CCDC69: variants seen among roughly 807,000 people sequenced by gnomAD.
CCDC69 encodes the protein coiled-coil domain-containing protein 69.
In CCDC69, 38 loss-of-function variants were observed where a neutral mutation model predicts 40.3. The observed-to-expected ratio is 0.94, with a 90% CI of 0.73 to 1.24. The LOEUF (loss-of-function observed/expected upper bound fraction) is 1.24. Among genes scored for constraint, CCDC69 ranks in the 50% most tolerant of loss-of-function variants. The pLI, the probability that CCDC69 is intolerant of heterozygous loss-of-function variation, is 0.00. For synonymous variants in CCDC69, 141 were observed against 138.9 expected (o/e 1.02, Z -0.11); for missense variants, 389 against 357.9 (o/e 1.09, Z -0.70).
chr5:151,183,720 AG>A, intron 8 of CCDC69, 106 bp from the exon 9 acceptor site: 3 of 1,006,832 alleles, frequency 3.0e-6, no homozygotes, highest in Non-Finnish European at 2.9e-6. Flanking sequence ...AGCCTGCTGC[AG>A]GGTCCCCACT....
Position 151,223,976 on chromosome 5 carries a change from T to C in CCDC69, c.-6A>G. 6.4e-7 allele frequency: 1 copy of C among 1,554,048 alleles called. No homozygotes were observed. Among genetic ancestry groups the C allele is most frequent in the East Asian group, 2.6e-5 (1 of 37,938 alleles). ...CTGCTGTGTCTGCAGCCCATCCTCC[T>C]CCGGGGGCTCCCGGACGCCGCTTCC... On this transcript the variant is annotated 5_prime_UTR_variant, in exon 1 of 9. Transcript: ENST00000355417.
chr5:151,213,412 A>AT (rs34388055), intron 1 of CCDC69, among the ~76,000 whole-genome samples: 56,412 of 143,872 alleles, frequency 0.39, 12,246 homozygotes, highest in East Asian at 0.64. Context: ...ATGTCCGGCT[A>AT]TTTTTTTTTT....
intron 1 of CCDC69, among the ~76,000 whole-genome samples, chr5:151,220,441 C>T (rs1418494281): frequency 6.6e-6 from 1 of 152,208 alleles, no homozygotes; most frequent in Non-Finnish European, 1.5e-5. Context: ...ACCCAGAGCC[C>T]GGTGTGGTCG....
intron 1 of CCDC69, among the ~76,000 whole-genome samples, chr5:151,223,500 A>C (rs979046750): frequency 8.5e-5 from 13 of 152,378 alleles, no homozygotes; most frequent in African/African-American, 3.1e-4. Context: ...TGATACTGCG[A>C]GTCTGTGGAA....
At position 151,182,811 on chromosome 5, in the gene CCDC69, C is replaced by T. The variant is rs1766662695; in HGVS notation, c.*626G>A. ...GCCTCAGCTGGGGAGGCTGCCTGGC[C>T]CTGTCAGCCCCAAGGGCCTTCAGAG... On this transcript the variant is annotated 3_prime_UTR_variant, in exon 9 of 9. Transcript: ENST00000355417. The T allele has an allele frequency of 2.9e-6, 1 of 342,424 alleles. No individual in the cohort carries two copies. The highest frequency in any genetic ancestry group is 3.9e-5 in the Admixed American group (1 of 25,588). The allele number at this position is 342,424 out of a possible 1,614,324, so 21.2% of individuals were successfully genotyped here.
intron 4 of CCDC69, among the ~76,000 whole-genome samples, chr5:151,194,908 A>G (rs1752675981): frequency 6.6e-6 from 1 of 151,536 alleles, no homozygotes; most frequent in Admixed American, 6.6e-5. Context: ...AAAAAAAAAA[A>G]AAAGAATCTA....
At chr5:151,212,432 C>T (rs1394276124) in intron 1 of CCDC69, among the ~76,000 whole-genome samples, 1 of 152,180 alleles carries the variant, frequency 6.6e-6, no homozygotes, top group Non-Finnish European at 1.5e-5. Flanking sequence ...TGCTGTCAAG[C>T]AGACCAGAGC....
chr5:151,220,799 C>G (rs983717874), intron 1 of CCDC69, among the ~76,000 whole-genome samples: 25 of 150,382 alleles, frequency 1.7e-4, no homozygotes, highest in African/African-American at 5.6e-4. Context: ...CCCACCCCCC[C>G]TCCGCTTCCT....
intron 2 of CCDC69, among the ~76,000 whole-genome samples, chr5:151,204,575 G>C (rs973873975): frequency 5.9e-5 from 9 of 152,260 alleles, no homozygotes; most frequent in Non-Finnish European, 1.3e-4. Context: ...CCTTAATACT[G>C]ACCTCTGTAT....
intron 4 of CCDC69, among the ~76,000 whole-genome samples, chr5:151,195,739 A>AC (rs1561600162): frequency 6.7e-6 from 1 of 150,032 alleles, no homozygotes; most frequent in East Asian, 1.9e-4. Flanking sequence ...AAAAAAAAAA[A>AC]CACGCACACT....
chr5:151,198,293 T>TCTAC (rs1278213998), intron 4 of CCDC69, among the ~76,000 whole-genome samples: 140 of 52,630 alleles, frequency 2.7e-3, no homozygotes, highest in African/African-American at 0.012. Flanking sequence ...ATGAGATTGA[T>TCTAC]CTATCTATCT....
At chr5:151,195,579 C>T (rs1408550142) in intron 4 of CCDC69, among the ~76,000 whole-genome samples, 2 of 151,810 alleles carry the variant, frequency 1.3e-5, no homozygotes, top group East Asian at 1.9e-4. Context: ...ATTAGCCAGG[C>T]GTGGTTGCAG....
chr5:151,199,129 A>C (rs1476318558), intron 3 of CCDC69, 45 bp from the exon 4 acceptor site: 1 of 1,501,910 alleles, frequency 6.7e-7, no homozygotes, highest in South Asian at 1.1e-5. Flanking sequence ...GAGCAGGATC[A>C]GCACAGCATC....
Position 151,187,452 on chromosome 5 carries a change from C to T in CCDC69, c.327G>A (p.Arg109=), listed in dbSNP as rs779135902. 2.0e-5 allele frequency: 32 copies of T among 1,613,516 alleles called. No individual in the cohort carries two copies. Among genetic ancestry groups the T allele is most frequent in the Non-Finnish European group, 2.6e-5 (31 of 1,179,828 alleles). Residue 109 remains arginine (R), a synonymous_variant, in exon 5 of 9, where the codon CGG becomes CGA. Coordinates refer to ENST00000355417, the MANE Select transcript of CCDC69 (RefSeq NM_015621.3). ...GKNEEALQVL[R]ASYEQEKEAL... is the part of the protein sequence containing the mutation. ...CTTCTTTCTCCTGTTCATATGAGGC[C>T]CGGAGGACTGTAGGGAAAGGAGAAC...
chr5:151,195,495 C>A (rs375584142), intron 4 of CCDC69, among the ~76,000 whole-genome samples: 1 of 151,836 alleles, frequency 6.6e-6, no homozygotes, highest in Non-Finnish European at 1.5e-5. Flanking sequence ...CCGAGGCAGG[C>A]GGATTATGAG....
chr5:151,199,365 C>G (rs535769452), intron 3 of CCDC69, among the ~76,000 whole-genome samples: 1 of 152,232 alleles, frequency 6.6e-6, no homozygotes, highest in Non-Finnish European at 1.5e-5. Flanking sequence ...AGGCAGGAAG[C>G]CTCCCATGGT....
chr5:151,208,578 A>G (rs1407041297), intron 1 of CCDC69, among the ~76,000 whole-genome samples: 1 of 152,174 alleles, frequency 6.6e-6, no homozygotes, highest in African/African-American at 2.4e-5. Flanking sequence ...TGAAGACTCA[A>G]TCCTCCCTTT....
Position 151,183,546 on chromosome 5 carries a change from A to C in CCDC69, c.782T>G (p.Leu261Arg), listed in dbSNP as rs755819624. ...LEKEVQLRRQ[L>R]QQEKEELLYR... Reference sequence around the variant, plus strand: ...CAACAGCTCCTCCTTCTCCTGCTGGAGCTGTCGCCGCAGCTGCACCTCCTT... The same window carrying C: ...CAACAGCTCCTCCTTCTCCTGCTGGCGCTGTCGCCGCAGCTGCACCTCCTT... The change falls in exon 9 of 9, where the codon CTC becomes CGC. Residue 261 changes from leucine (L) to arginine (R), a missense_variant. Transcript: ENST00000355417. The C allele has an allele frequency of 6.2e-7, 1 of 1,611,636 alleles. No homozygotes were observed. The highest frequency in any genetic ancestry group is 1.1e-5 in the South Asian group (1 of 90,210).
In CCDC69 at chr5:151,181,258, C is replaced by T. The variant is rs1371096424; in HGVS notation, c.*2179G>A. 6.6e-6 allele frequency: 1 copy of T among 152,134 alleles called. No homozygotes were observed. The highest frequency in any genetic ancestry group is 1.5e-5 in the Non-Finnish European group (1 of 68,092). The allele number at this position is 152,134 out of a possible 1,614,324, so 9.4% of individuals were successfully genotyped here. ...TTGAGACGGAGTCTTGCTCTGTCACCCGGGCTGGAGTGCAGTGGCGCGATC... is the reference window on the plus strand; with the variant it reads ...TTGAGACGGAGTCTTGCTCTGTCACTCGGGCTGGAGTGCAGTGGCGCGATC... On this transcript the variant is annotated 3_prime_UTR_variant, in exon 9 of 9. Coordinates refer to ENST00000355417, the MANE Select transcript of CCDC69 (RefSeq NM_015621.3).
Sources: gnomAD v4.1 joint callset for allele counts (sites outside exome capture counted in the v4.1 genomes callset) on GRCh38, gnomAD v4.1.1 for gene constraint, MANE v1.5 for transcripts, NCBI Gene and HGNC (gene_info 2026-07-23, HGNC 2026-07-21) for gene names.